Variants in GALNT17 observed in about 807,000 individuals in gnomAD.
GALNT17 encodes UDP-GalNAc:polypeptide N-acetylgalactosaminyltransferase-like 3.
Under a neutral mutation model 63.7 loss-of-function variants are expected in GALNT17, and 29 were observed. The ratio of observed to expected loss-of-function variants is 0.46; its 90% CI spans 0.34 to 0.62. The LOEUF is 0.62. Among genes scored for constraint, GALNT17 ranks in the 20% least tolerant of loss-of-function variants. The probability of loss-of-function intolerance (pLI) is 0.01; values close to 1 mark genes in which losing one functional copy is unlikely to be tolerated. For missense variants in GALNT17, 603 were observed against 799.6 expected (o/e 0.75, Z 2.97); for synonymous variants, 305 against 318.3 (o/e 0.96, Z 0.45).
intron 5 of GALNT17, among the ~76,000 whole-genome samples, chr7:71,423,041 G>C (rs957689372): frequency 1.3e-5 from 2 of 152,116 alleles, no homozygotes; most frequent in African/African-American, 4.8e-5. Context: ...GTGTCTGCTG[G>C]TGTCTGTCCA....
chr7:71,347,910 T>A (rs1688964519), intron 2 of GALNT17, among the ~76,000 whole-genome samples: 1 of 152,180 alleles, frequency 6.6e-6, no homozygotes, highest in African/African-American at 2.4e-5. Context: ...GTATAATGTG[T>A]GTTTTTCCTC....
chr7:71,617,938 C>G (rs1433422764), intron 6 of GALNT17, among the ~76,000 whole-genome samples: 1 of 152,032 alleles, frequency 6.6e-6, no homozygotes, highest in Admixed American at 6.6e-5. Flanking sequence ...TGAGCCACTG[C>G]GCCCAGCCGA....
At chr7:71,613,353 C>T (rs938316969) in intron 6 of GALNT17, among the ~76,000 whole-genome samples, 1 of 152,150 alleles carries the variant, frequency 6.6e-6, no homozygotes, top group Non-Finnish European at 1.5e-5. Flanking sequence ...CATTAATCAG[C>T]CCATTTATTA....
intron 6 of GALNT17, among the ~76,000 whole-genome samples, chr7:71,620,237 G>A (rs141181898): frequency 6.6e-6 from 1 of 152,194 alleles, no homozygotes; most frequent in African/African-American, 2.4e-5. Flanking sequence ...GAGGGATATA[G>A]GTTTGAAGTT....
chr7:71,140,599 T>G (rs758885270), intron 1 of GALNT17, among the ~76,000 whole-genome samples: 8 of 152,014 alleles, frequency 5.3e-5, no homozygotes, highest in Non-Finnish European at 1.0e-4. Context: ...GCGTCCTTTG[T>G]GGAAAGGAAG....
intron 1 of GALNT17, among the ~76,000 whole-genome samples, chr7:71,235,253 A>G (rs1206856362): frequency 3.1e-5 from 4 of 129,722 alleles, no homozygotes; most frequent in Admixed American, 7.3e-5. Flanking sequence ...TCCATCTCGG[A>G]AAAAAAAAAA....
At chr7:71,456,876 G>A (rs79727735) in intron 5 of GALNT17, among the ~76,000 whole-genome samples, 2,001 of 152,278 alleles carry the variant, frequency 0.013, 41 homozygotes, top group African/African-American at 0.045. Context: ...GGGAGATGGA[G>A]ACGTGAGACA....
chr7:71,326,292 T>C (rs552551174), intron 1 of GALNT17, among the ~76,000 whole-genome samples: 1 of 152,274 alleles, frequency 6.6e-6, no homozygotes, highest in South Asian at 2.1e-4. Flanking sequence ...ACCTCATCTC[T>C]ACAAAAGTTA....
chr7:71,152,377 A>G (rs1320484144), intron 1 of GALNT17, among the ~76,000 whole-genome samples: 1 of 152,172 alleles, frequency 6.6e-6, no homozygotes, highest in African/African-American at 2.4e-5. Context: ...CAGTAAAAGA[A>G]AGGGTCTTGT....
intron 8 of GALNT17, among the ~76,000 whole-genome samples, chr7:71,671,891 G>C (rs183218455): frequency 6.6e-6 from 1 of 152,030 alleles, no homozygotes; most frequent in Non-Finnish European, 1.5e-5. Flanking sequence ...CTAGCTGAGC[G>C]TGGTGGCTGG....
intron 5 of GALNT17, among the ~76,000 whole-genome samples, chr7:71,480,355 A>G (rs1787797165): frequency 6.6e-6 from 1 of 151,640 alleles, no homozygotes; most frequent in African/African-American, 2.4e-5. Context: ...ACTCTTGCAC[A>G]GTCCTGGCCA....
intron 1 of GALNT17, among the ~76,000 whole-genome samples, chr7:71,255,063 T>A (rs902758837): frequency 5.9e-5 from 9 of 152,178 alleles, no homozygotes; most frequent in African/African-American, 1.9e-4. Context: ...AGTTAGAACA[T>A]TTCCCCAGTG....
At chr7:71,693,309 C>CACATATATAT (rs1554325721) in intron 9 of GALNT17, among the ~76,000 whole-genome samples, 17 of 124,172 alleles carry the variant, frequency 1.4e-4, no homozygotes, top group African/African-American at 4.7e-4. Context: ...CACACACACA[C>CACATATATAT]ATATATATAT....
At chr7:71,419,486 G>GA (rs2116447515) in intron 4 of GALNT17, among the ~76,000 whole-genome samples, 1 of 152,312 alleles carries the variant, frequency 6.6e-6, no homozygotes, top group East Asian at 1.9e-4. Flanking sequence ...AGCTCATAAG[G>GA]AAAAATAATT....
At chr7:71,317,800 C>G (rs1483248484) in intron 1 of GALNT17, among the ~76,000 whole-genome samples, 1 of 152,104 alleles carries the variant, frequency 6.6e-6, no homozygotes, top group Non-Finnish European at 1.5e-5. Flanking sequence ...CGGATACACC[C>G]TAAGCTAGTG....
intron 5 of GALNT17, among the ~76,000 whole-genome samples, chr7:71,563,146 A>G (rs1273279053): frequency 5.3e-5 from 8 of 152,186 alleles, no homozygotes; most frequent in Admixed American, 5.2e-4. Context: ...TAATGGAGCT[A>G]TTAGGCTTTG....
intron 1 of GALNT17, among the ~76,000 whole-genome samples, chr7:71,313,523 G>C (rs1306411254): frequency 1.3e-5 from 2 of 152,208 alleles, no homozygotes; most frequent in Non-Finnish European, 2.9e-5. Context: ...CAAACAAACA[G>C]TGCTTGCTTC....
intron 1 of GALNT17, among the ~76,000 whole-genome samples, chr7:71,239,581 C>T (rs957858230): frequency 2.0e-5 from 3 of 152,208 alleles, no homozygotes; most frequent in African/African-American, 2.4e-5. Context: ...CTCTTTTCTT[C>T]TGAGAGGTTC....
chr7:71,135,028 T>G (rs1282714991), intron 1 of GALNT17, among the ~76,000 whole-genome samples: 1 of 151,818 alleles, frequency 6.6e-6, no homozygotes, highest in African/African-American at 2.4e-5. Flanking sequence ...ATTTTTTAAT[T>G]TTTTGTAGAC....
Sources: gnomAD v4.1 joint callset for allele counts (sites outside exome capture counted in the v4.1 genomes callset) on GRCh38, gnomAD v4.1.1 for gene constraint, MANE v1.5 for transcripts, NCBI Gene and HGNC (gene_info 2026-07-23, HGNC 2026-07-21) for gene names.